Variants in DNAH3 observed in about 807,000 individuals in gnomAD.
DNAH3 encodes the protein axonemal beta dynein heavy chain 3.
DNAH3 carries 332 observed loss-of-function variants against 432.5 expected under a neutral mutation model. That is an observed-to-expected ratio of 0.77 (90% CI 0.70 to 0.84). DNAH3 has a LOEUF of 0.84. Ranked by LOEUF, DNAH3 falls within the 40% of genes least tolerant of loss-of-function variation. The pLI, the probability that DNAH3 is intolerant of heterozygous loss-of-function variation, is 0.00. For synonymous variants in DNAH3, 1,956 were observed against 1,900.2 expected, an observed-to-expected ratio of 1.03 and a Z score of -0.76; for missense variants, 4,861 against 5,114.0, an observed-to-expected ratio of 0.95 and a Z score of 1.51.
intron 26 of DNAH3, among the ~76,000 whole-genome samples, chr16:21,058,854 A>AGAGGGAGAACATTAGGACAAATACCT (rs546957505): frequency 0.029 from 4,389 of 152,068 alleles, 75 homozygotes; most frequent in Middle Eastern, 0.065. Context: ...GGGGGCAAGG[A>AGAGGGAGAACATTAGGACAAATACCT]GAGGGAGAAC....
At chr16:21,118,289 T>G (rs1197235514) in intron 11 of DNAH3, among the ~76,000 whole-genome samples, 1 of 152,156 alleles carries the variant, frequency 6.6e-6, no homozygotes, top group African/African-American at 2.4e-5. Context: ...CCTAAACTAC[T>G]TCTCTGAATC....
chr16:21,082,365 C>A (rs2091218551), intron 19 of DNAH3, among the ~76,000 whole-genome samples: 1 of 152,082 alleles, frequency 6.6e-6, no homozygotes, highest in Non-Finnish European at 1.5e-5. Flanking sequence ...TAACCTTTTT[C>A]TTTTTAAAAA....
In DNAH3 at chr16:20,983,979, A is replaced by T. The variant is rs1488628933; in HGVS notation, c.7666-1065T>A. Among the ~76,000 whole-genome samples, 4 of 150,004 alleles carry T rather than the reference A, an allele frequency of 2.7e-5. No homozygotes were observed. The South Asian group carries it at 8.5e-4, about 32-fold the overall frequency. ...GAAGTTGAGCCTGCAGTGAGCTAGAACCACATCACTGCACTCCAGCCTGGG... is the reference window on the plus strand; with the variant it reads ...GAAGTTGAGCCTGCAGTGAGCTAGATCCACATCACTGCACTCCAGCCTGGG... On this transcript the variant is annotated intron_variant, in intron 48 of 61. Transcript: ENST00000261383.
At chr16:21,127,157 G>A (rs1471147414) in intron 8 of DNAH3, among the ~76,000 whole-genome samples, 1 of 152,026 alleles carries the variant, frequency 6.6e-6, no homozygotes, top group Non-Finnish European at 1.5e-5. Context: ...ATTCGAGGAG[G>A]AGGAAATGGG....
chr16:21,147,844 T>G (rs1420773166), intron 1 of DNAH3, among the ~76,000 whole-genome samples: 3 of 152,186 alleles, frequency 2.0e-5, no homozygotes, highest in Non-Finnish European at 4.4e-5. Flanking sequence ...TTAGCCCCTA[T>G]ATGCAAAACA....
intron 50 of DNAH3, among the ~76,000 whole-genome samples, chr16:20,976,821 C>A (rs1003147121): frequency 6.6e-6 from 1 of 152,192 alleles, no homozygotes; most frequent in East Asian, 1.9e-4. Flanking sequence ...GTCTGCAAAC[C>A]AGGGAAAGAG....
intron 19 of DNAH3, among the ~76,000 whole-genome samples, chr16:21,083,870 T>C (rs749388601): frequency 6.6e-6 from 1 of 152,070 alleles, no homozygotes; most frequent in Non-Finnish European, 1.5e-5. Context: ...CCGGAGAGTA[T>C]CTAGGGGCCT....
intron 51 of DNAH3, among the ~76,000 whole-genome samples, chr16:20,974,953 G>A (rs890112261): frequency 1.3e-5 from 2 of 149,808 alleles, no homozygotes; most frequent in Admixed American, 6.7e-5. Flanking sequence ...TGAGTAGCTC[G>A]GATTACAGAT....
intron 1 of DNAH3, among the ~76,000 whole-genome samples, chr16:21,154,090 C>T (rs560362850): frequency 6.6e-6 from 1 of 152,196 alleles, no homozygotes; most frequent in Non-Finnish European, 1.5e-5. Flanking sequence ...AAAACAGCAA[C>T]TGTAATCCAA....
In DNAH3 at chr16:20,975,446, G is replaced by C. The variant is rs375028911; in HGVS notation, c.8077-31C>G. 1.4e-4 allele frequency: 226 copies of C among 1,597,334 alleles called. 1 individual carries two copies. Among genetic ancestry groups the C allele is most frequent in the Non-Finnish European group, 2.6e-6 (3 of 1,171,898 alleles). On this transcript the variant is annotated intron_variant, in intron 50 of 61. Transcript: ENST00000261383. ...AAGGAGAGAGGTGGGAGAAATCCAGGGTCAGCACTGAAAATGGCAAAGTAG... is the reference window on the plus strand; with the variant it reads ...AAGGAGAGAGGTGGGAGAAATCCAGCGTCAGCACTGAAAATGGCAAAGTAG...
chr16:21,124,645 CTT>C lies in DNAH3; in HGVS notation c.1404+528_1404+529del, dbSNP rs11352383. Among the ~76,000 whole-genome samples the C allele has an allele frequency of 2.3e-3, 340 of 146,434 alleles. 3 individuals carry two copies. Among genetic ancestry groups the C allele is most frequent in the African/African-American group, 8.2e-3 (327 of 40,088 alleles). On this transcript the variant is annotated intron_variant, in intron 9 of 61. Transcript: ENST00000261383. The stretch of plus-strand genomic sequence containing the variant: ...GCATATCTATCATCTCAAACATTTA[CTT>C]TTTTTTTTTTTTCCTTTTTGAGACA...
intron 29 of DNAH3, among the ~76,000 whole-genome samples, chr16:21,051,403 C>T (rs1486805015): frequency 2.0e-5 from 3 of 152,162 alleles, no homozygotes; most frequent in East Asian, 1.9e-4. Flanking sequence ...GAGCCCTCTA[C>T]GTTAAGTCCT....
chr16:20,950,153 C>G (rs979425004), intron 56 of DNAH3, among the ~76,000 whole-genome samples: 1 of 152,142 alleles, frequency 6.6e-6, no homozygotes, highest in Non-Finnish European at 1.5e-5. Flanking sequence ...CAGCTCCAGG[C>G]GCACTTCTTT....
intron 55 of DNAH3, among the ~76,000 whole-genome samples, chr16:20,953,135 TTTTG>T (rs983467713): frequency 7.2e-5 from 11 of 151,848 alleles, no homozygotes; most frequent in African/African-American, 1.9e-4. Flanking sequence ...TTTGTTTTGC[TTTTG>T]TTTGTTTTGT....
chr16:21,103,355 G>C (rs936565584), intron 16 of DNAH3, among the ~76,000 whole-genome samples: 16 of 93,946 alleles, frequency 1.7e-4, no homozygotes, highest in African/African-American at 2.5e-4. Flanking sequence ...GTGTGTGTGT[G>C]GGGGGGGGCA....
At chr16:20,933,996 G>T (rs2083500308) in intron 61 of DNAH3, among the ~76,000 whole-genome samples, 1 of 152,144 alleles carries the variant, frequency 6.6e-6, no homozygotes. Flanking sequence ...TCCTGAAAAT[G>T]TAACAGTTGG....
At chr16:21,125,490 G>T in intron 8 of DNAH3, 120 bp from the exon 10 acceptor site, 1 of 687,294 alleles carries the variant, frequency 1.5e-6, no homozygotes, top group South Asian at 3.3e-5. Flanking sequence ...AAGCAGCCTT[G>T]CAAATCAGTA....
intron 11 of DNAH3, chr16:21,120,637 C>T (rs771963114): frequency 7.9e-6 from 7 of 881,336 alleles, no homozygotes; most frequent in Non-Finnish European, 1.3e-5. Context: ...TCCTTATTGT[C>T]TCGTAAAGTC....
intron 7 of DNAH3, among the ~76,000 whole-genome samples, chr16:21,131,290 C>T (rs754206209): frequency 6.6e-6 from 1 of 151,772 alleles, no homozygotes; most frequent in East Asian, 1.9e-4. Context: ...CATGCCACTG[C>T]ACCACACCCT....
Sources: allele counts gnomAD v4.1 joint callset (sites outside exome capture counted in the v4.1 genomes callset), GRCh38; gene constraint gnomAD v4.1.1; transcripts MANE v1.5; gene names NCBI Gene and HGNC (gene_info 2026-07-23, HGNC 2026-07-21).